FKBP15: variants seen among roughly 807,000 people sequenced by gnomAD.
FKBP15 encodes FK506-binding protein 15.
A neutral mutation model predicts 158.1 loss-of-function variants in FKBP15; 106 were observed. That is an observed-to-expected ratio of 0.67 (90% CI 0.57 to 0.79). FKBP15 has a LOEUF of 0.79. Ranked by LOEUF, FKBP15 falls within the 30% of genes least tolerant of loss-of-function variation. The probability of loss-of-function intolerance (pLI) is 0.00; values close to 1 mark genes in which losing one functional copy is unlikely to be tolerated. For missense variants in FKBP15, 1,287 were observed against 1,479.1 expected, an observed-to-expected ratio of 0.87 and a Z score of 2.13; for synonymous variants, 547 against 548.6, an observed-to-expected ratio of 1.00 and a Z score of 0.04.
intron 19 of FKBP15, 59 bp downstream of exon 19, chr9:113,182,707 G>T: frequency 7.3e-7 from 1 of 1,375,356 alleles, no homozygotes. Flanking sequence ...TATGTACATG[G>T]GACCATTCCT....
chr9:113,207,238 G>C lies in FKBP15; in HGVS notation c.228C>G (p.Val76=), dbSNP rs757117840. Residue 76 remains valine, a synonymous_variant, in exon 3 of 28, where the codon GTC becomes GTG. Transcript: ENST00000238256. ...ATCGATATGCATGGACTGCTGTTGC[G>C]ACCAGTATTGTGGGAGTGCTCATGG... is the stretch of plus-strand genomic sequence containing the variant. The part of the protein sequence containing the change: ...PATMSTPTIL[V]ATAVHAYRYT... 51 of 1,613,048 alleles carry C rather than the reference G, an allele frequency of 3.2e-5. No individual in the cohort carries two copies. The highest frequency in any genetic ancestry group is 2.0e-5 in the Non-Finnish European group (24 of 1,179,562).
chr9:113,193,185 G>A (rs1222460337), intron 11 of FKBP15, among the ~76,000 whole-genome samples: 1 of 152,170 alleles, frequency 6.6e-6, no homozygotes, highest in Non-Finnish European at 1.5e-5. Context: ...CAGAAGCTGA[G>A]GCTAACTTAC....
At chr9:113,173,071 A>C (rs1489375368) in intron 23 of FKBP15, among the ~76,000 whole-genome samples, 2 of 152,154 alleles carry the variant, frequency 1.3e-5, no homozygotes, top group East Asian at 3.8e-4. Flanking sequence ...TGGGCCCCAT[A>C]GCACTTAACA....
In FKBP15 at chr9:113,198,894, C is replaced by T; in HGVS notation, c.678G>A (p.Lys226=). Residue 226 remains lysine (K), a synonymous_variant, in exon 8 of 28, where the codon AAG becomes AAA. Coordinates refer to ENST00000238256, the MANE Select transcript of FKBP15 (RefSeq NM_015258.2). This position sits in a 1 kb window ranked among gnomAD's most constrained non-coding sequence, Gnocchi z 5.2. ...QVFDSTANKD[K]LLRLKLGSGK... ...CTGATCCTAACTTCAAGCGAAGCAA[C>T]TTATCTTTGTTAGCAGTGGAGTCGA... 6.2e-7 allele frequency: 1 copy of T among 1,605,884 alleles called. No individual in the cohort carries two copies. The highest frequency in any genetic ancestry group is 1.3e-5 in the African/African-American group (1 of 74,964).
In FKBP15 at chr9:113,184,849, A is replaced by T; in HGVS notation, c.1499-45T>A. 1 of 1,446,016 alleles carries T rather than the reference A, an allele frequency of 6.9e-7. No individual in the cohort carries two copies. The highest frequency in any genetic ancestry group is 1.2e-5 in the South Asian group (1 of 81,922). 89.6% of individuals were successfully genotyped at this position (1,446,016 alleles called of 1,614,324 possible). A position where few individuals can be genotyped will look rare whatever the true frequency, so the allele number is the denominator to read the frequency against. On this transcript the variant is annotated intron_variant, in intron 15 of 27. Coordinates refer to ENST00000238256, the MANE Select transcript of FKBP15 (RefSeq NM_015258.2). This position sits in a 1 kb window ranked among gnomAD's most constrained non-coding sequence, Gnocchi z 4.5. ...AAAGAAACTTATGAAACTGGAGCAGAGGAAACTGTATGAAGAAAAGCTAGT... is the reference window on the plus strand; with the variant it reads ...AAAGAAACTTATGAAACTGGAGCAGTGGAAACTGTATGAAGAAAAGCTAGT...
At chr9:113,172,462 C>T (rs1270623599) in intron 23 of FKBP15, among the ~76,000 whole-genome samples, 1 of 152,150 alleles carries the variant, frequency 6.6e-6, no homozygotes, top group Non-Finnish European at 1.5e-5. Flanking sequence ...TACACTCCCA[C>T]CAACAGTGTA....
chr9:113,183,366 T>C (rs1830433887), intron 18 of FKBP15, among the ~76,000 whole-genome samples: 1 of 151,840 alleles, frequency 6.6e-6, no homozygotes, highest in Admixed American at 6.6e-5. Flanking sequence ...TGGGAATCAG[T>C]GAAGTTTTGG....
chr9:113,170,456 C>T, intron 25 of FKBP15, 66 bp downstream of exon 25: 1 of 1,127,428 alleles, frequency 8.9e-7, no homozygotes, highest in Non-Finnish European at 1.3e-6. Flanking sequence ...TTCATGATCC[C>T]TTAGAAGGTA....
chr9:113,170,595 A>G lies in FKBP15; in HGVS notation c.2693T>C (p.Leu898Ser). The stretch of plus-strand genomic sequence containing the variant: ...TTCCTCCAGCTCAAACTCTCTCCGT[A>G]AGGACTGGAACACCTGGTTCATGAT... ...KKIMNQVFQS[L>S]RREFELEESY... The change falls in exon 25 of 28, where the codon TTA becomes TCA. Residue 898 changes from leucine (L) to serine (S), a missense_variant. By Grantham distance (145) the Leu-to-Ser change is moderately radical. Coordinates refer to ENST00000238256, the MANE Select transcript of FKBP15 (RefSeq NM_015258.2). The G allele has an allele frequency of 6.2e-7, 1 of 1,613,880 alleles. No homozygotes were observed. The highest frequency in any genetic ancestry group is 8.5e-7 in the Non-Finnish European group (1 of 1,179,772).
Position 113,187,840 on chromosome 9 carries a change from A to T in FKBP15, c.1336T>A (p.Ser446Thr), listed in dbSNP as rs1381423381. Residue 446 changes from serine (S) to threonine (T), a missense_variant, in exon 14 of 28, where the codon TCT becomes ACT. Transcript: ENST00000238256. ...APSAALMQVS[S>T]LDSHSAVSGN... Reference sequence around the variant, plus strand: ...GATACAGCTGAGTGGGAATCGAGAGATGACACTTGCATTAAGGCAGCAGAA... The same window carrying T: ...GATACAGCTGAGTGGGAATCGAGAGTTGACACTTGCATTAAGGCAGCAGAA... 6.2e-7 allele frequency: 1 copy of T among 1,613,876 alleles called. No individual in the cohort carries two copies. The highest frequency in any genetic ancestry group is 8.5e-7 in the Non-Finnish European group (1 of 1,179,870).
Position 113,176,605 on chromosome 9 carries a change from C to T in FKBP15, c.2155G>A (p.Glu719Lys), listed in dbSNP as rs768564377. The T allele has an allele frequency of 6.3e-7, 1 of 1,593,168 alleles. No homozygotes were observed. Among genetic ancestry groups the T allele is most frequent in the Admixed American group, 1.7e-5 (1 of 57,330 alleles). Residue 719 changes from glutamate (E) to lysine (K), a missense_variant, in exon 21 of 28, where the codon GAA (glutamate) becomes AAA (lysine). Glu to Lys is a moderately conservative substitution (Grantham distance 56). Coordinates refer to ENST00000238256, the MANE Select transcript of FKBP15 (RefSeq NM_015258.2). ...TCCTCCAGGGATGTCACCTTGAGTT[C>T]CAGTTGTTTCCGGTTCTGCTTTTCA... ...KSEKQNRKQL[E>K]LKVTSLEEEL...
At chr9:113,178,881 A>C (rs909749009) in intron 19 of FKBP15, 80 bp from the exon 20 acceptor site, 13 of 1,357,626 alleles carry the variant, frequency 9.6e-6, no homozygotes, top group African/African-American at 2.9e-5. Context: ...ACATAACTCT[A>C]TGTAGACTGA....
At position 113,165,919 on chromosome 9, in the gene FKBP15, G is replaced by A; in HGVS notation, c.*159C>T. On this transcript the variant is annotated 3_prime_UTR_variant, in exon 28 of 28. Transcript: ENST00000238256. ...TCTTCACCAGGTCTGGCGGGGGTGGGGCTCAGAAGGTGGCCAACCCACCCT... is the reference window on the plus strand; with the variant it reads ...TCTTCACCAGGTCTGGCGGGGGTGGAGCTCAGAAGGTGGCCAACCCACCCT... 3.5e-6 allele frequency: 2 copies of A among 579,014 alleles called. No homozygotes were observed. Among genetic ancestry groups the A allele is most frequent in the Non-Finnish European group, 6.1e-6 (2 of 326,738 alleles). The allele number at this position is 579,014 out of a possible 1,614,324, so 35.9% of individuals were successfully genotyped here.
chr9:113,187,781 A>G lies in FKBP15; in HGVS notation c.1383+12T>C. 3 of 1,595,726 alleles carry G rather than the reference A, an allele frequency of 1.9e-6. No homozygotes were observed. Among genetic ancestry groups the G allele is most frequent in the Admixed American group, 3.3e-5 (2 of 59,962 alleles). On this transcript the variant is annotated intron_variant, in intron 14 of 27. Coordinates refer to ENST00000238256, the MANE Select transcript of FKBP15 (RefSeq NM_015258.2). ...ATTATAGGATATAATTAATACGGTT[A>G]TAAAATGTTACCTGAAAGGATTGGG...
chr9:113,186,455 C>G, intron 14 of FKBP15, 92 bp from the exon 15 acceptor site: 1 of 939,394 alleles, frequency 1.1e-6, no homozygotes, highest in Non-Finnish European at 1.7e-6. Flanking sequence ...AGTGGATGAG[C>G]TGGGAGGAGA....
rs1830553639 is a variant in FKBP15, at chr9:113,190,325, T to C, written c.1173+146A>G. The C allele has an allele frequency of 8.8e-5, 60 of 682,062 alleles. No individual in the cohort carries two copies. In the South Asian group the frequency reaches 1.1e-3, roughly 13 times the overall value. The allele number at this position is 682,062 out of a possible 1,614,324, so 42.3% of individuals were successfully genotyped here. A position where few individuals can be genotyped will look rare whatever the true frequency, so the allele number is the denominator to read the frequency against. ...GTACTAATCACAGTAGAAACACATG[T>C]ACCAATACCAATCTGTATCATTTTG... On this transcript the variant is annotated intron_variant, in intron 12 of 27. Coordinates refer to ENST00000238256, the MANE Select transcript of FKBP15 (RefSeq NM_015258.2).
chr9:113,176,428 T>A (rs148517505), intron 21 of FKBP15, 109 bp downstream of exon 21: 1 of 1,279,630 alleles, frequency 7.8e-7, no homozygotes, highest in Non-Finnish European at 1.1e-6. Flanking sequence ...TACACTTTTC[T>A]ATATTATTTG....
At chr9:113,206,690 G>A in intron 3 of FKBP15, 112 bp from the exon 4 acceptor site, 1 of 681,532 alleles carries the variant, frequency 1.5e-6, no homozygotes, top group South Asian at 1.7e-5. Context: ...CTCTAGGCAG[G>A]GACACAGGTG....
rs1278117972 is a variant in FKBP15 at position 113,164,541 on chromosome 9, A to G, written c.*1537T>C. 6.6e-6 allele frequency: 1 copy of G among 152,232 alleles called. No homozygotes were observed. Among genetic ancestry groups the G allele is most frequent in the Non-Finnish European group, 1.5e-5 (1 of 68,052 alleles). 9.4% of individuals were successfully genotyped at this position (152,232 alleles called of 1,614,324 possible). ...AAGAAATAACTGCCCTAGAAAGTAG[A>G]CTATGTCACACCTTTAGGACTGATC... On this transcript the variant is annotated 3_prime_UTR_variant, in exon 28 of 28. Coordinates refer to ENST00000238256, the MANE Select transcript of FKBP15 (RefSeq NM_015258.2).
Sources: gnomAD v4.1 joint callset for allele counts (sites outside exome capture counted in the v4.1 genomes callset) on GRCh38, gnomAD v4.1.1 for gene constraint, Gnocchi (gnomAD v3.1) non-coding constraint, MANE v1.5 for transcripts, NCBI Gene and HGNC (gene_info 2026-07-23, HGNC 2026-07-21) for gene names.